The following NCOR1 variants were observed in gnomAD, a reference collection of about 807,000 sequenced individuals.
The protein encoded by NCOR1 is nuclear receptor corepressor 1, also known as protein phosphatase 1, regulatory subunit 109.
A neutral mutation model predicts 288.1 loss-of-function variants in NCOR1; 63 were observed. The observed-to-expected ratio is 0.22, with a 90% CI of 0.18 to 0.27. The LOEUF is 0.27. Among genes scored for constraint, NCOR1 ranks in the 10% least tolerant of loss-of-function variants. NCOR1 has a pLI of 1.00. For missense variants in NCOR1, 2,397 were observed against 3,019.2 expected (o/e 0.79, Z 4.83); for synonymous variants, 1,007 against 1,065.9 (o/e 0.94, Z 1.08).
intron 14 of NCOR1, among the ~76,000 whole-genome samples, chr17:16,134,762 C>G (rs2076146468): frequency 6.6e-6 from 1 of 152,218 alleles, no homozygotes; most frequent in East Asian, 1.9e-4. Context: ...ATCACCTTAT[C>G]TCTTACGTTA....
chr17:16,127,791 CTG>C (rs2074982117), intron 14 of NCOR1, among the ~76,000 whole-genome samples: 1 of 150,966 alleles, frequency 6.6e-6, no homozygotes, highest in South Asian at 2.1e-4. Context: ...TCGGTACTAT[CTG>C]TGGTTTCAAG....
rs775560277 is a variant in NCOR1 at position 16,064,924 on chromosome 17, C to T, written c.5047G>A (p.Gly1683Ser). 5.6e-6 allele frequency: 9 copies of T among 1,613,830 alleles called. No homozygotes were observed. The highest frequency in any genetic ancestry group is 1.3e-5 in the African/African-American group (1 of 75,006). Reference sequence around the variant, plus strand: ...CTGGGAGGGAAAGTAATCTGTGTACCAGGAATATAAGTGATTCTGTCCATG... The same window carrying T: ...CTGGGAGGGAAAGTAATCTGTGTACTAGGAATATAAGTGATTCTGTCCATG... ...PPMDRITYIP[G>S]TQITFPPRPY... The change falls in exon 34 of 46, where the codon GGT becomes AGT. Residue 1683 changes from glycine (G) to serine (S), a missense_variant. Physicochemically the swap from Gly to Ser is moderately conservative, Grantham distance 56. Coordinates refer to ENST00000268712, the MANE Select transcript of NCOR1 (RefSeq NM_006311.4).
intron 5 of NCOR1, among the ~76,000 whole-genome samples, chr17:16,161,118 C>T (rs2080757294): frequency 6.6e-6 from 1 of 151,872 alleles, no homozygotes. Flanking sequence ...GCTTAGAGGG[C>T]CTTCTTTTAG....
rs1279513285 is a variant in NCOR1 at position 16,095,290 on chromosome 17, G to A, written c.2820+3077C>T. Among the ~76,000 whole-genome samples the A allele has an allele frequency of 3.2e-4, 47 of 145,692 alleles. 1 individual carries two copies. Among genetic ancestry groups the A allele is most frequent in the Non-Finnish European group, 6.2e-4 (41 of 66,292 alleles). On this transcript the variant is annotated intron_variant, in intron 21 of 45. Coordinates refer to ENST00000268712, the MANE Select transcript of NCOR1 (RefSeq NM_006311.4). Reference sequence around the variant, plus strand: ...TGGGAGGTGAGGAGCGTCTCTGCCCGGCCGCCCCGTCTGAGAAGTGAGGAG... The same window carrying A: ...TGGGAGGTGAGGAGCGTCTCTGCCCAGCCGCCCCGTCTGAGAAGTGAGGAG...
intron 14 of NCOR1, among the ~76,000 whole-genome samples, chr17:16,136,929 G>A (rs1159642340): frequency 6.6e-6 from 1 of 151,718 alleles, no homozygotes; most frequent in Non-Finnish European, 1.5e-5. Flanking sequence ...AAGGTACCAT[G>A]TTGTATTTCT....
intron 44 of NCOR1, among the ~76,000 whole-genome samples, chr17:16,037,630 A>G (rs1215963852): frequency 6.6e-6 from 1 of 152,204 alleles, no homozygotes; most frequent in African/African-American, 2.4e-5. Flanking sequence ...ATACTTCACT[A>G]ATGACCAACC....
At chr17:16,201,161 T>A (rs2090749416) in intron 1 of NCOR1, among the ~76,000 whole-genome samples, 1 of 152,226 alleles carries the variant, frequency 6.6e-6, no homozygotes, top group South Asian at 2.1e-4. Context: ...CATCATGACA[T>A]CTTACTTAAA....
chr17:16,197,466 A>C (rs763979363), intron 1 of NCOR1, among the ~76,000 whole-genome samples: 1 of 152,098 alleles, frequency 6.6e-6, no homozygotes. Context: ...TGACCAGCTG[A>C]CCCTCAGCCT....
intron 29 of NCOR1, 50 bp from the exon 30 acceptor site, chr17:16,071,715 C>A (rs2061781773): frequency 1.9e-6 from 3 of 1,541,016 alleles, no homozygotes; most frequent in East Asian, 4.5e-5. Context: ...GGTTGCACAA[C>A]AATGCCACGG....
chr17:16,193,190 A>C (rs533956103), intron 2 of NCOR1, among the ~76,000 whole-genome samples: 1 of 152,288 alleles, frequency 6.6e-6, no homozygotes, highest in African/African-American at 2.4e-5. Context: ...AGTGCATTCT[A>C]ATATAGATAT....
chr17:16,106,132 C>T (rs1311082559), intron 19 of NCOR1, among the ~76,000 whole-genome samples: 2 of 152,062 alleles, frequency 1.3e-5, no homozygotes, highest in Admixed American at 1.3e-4. Context: ...CAAACAAAAA[C>T]GGCAGCCATT....
intron 19 of NCOR1, chr17:16,108,171 G>A (rs555246349): frequency 1.1e-3 from 184 of 162,678 alleles, no homozygotes; most frequent in South Asian, 1.9e-3. Flanking sequence ...CACATCAGAA[G>A]CAATTTCCAA....
intron 1 of NCOR1, among the ~76,000 whole-genome samples, chr17:16,205,037 A>G (rs1438290862): frequency 6.6e-6 from 1 of 152,178 alleles, no homozygotes; most frequent in Non-Finnish European, 1.5e-5. Context: ...CCTGACCAAC[A>G]AGGAGAAACC....
chr17:16,049,327 T>A (rs115064822), intron 40 of NCOR1: 1,715 of 167,368 alleles, frequency 0.01, 33 homozygotes, highest in African/African-American at 0.038. Flanking sequence ...CACCCTTGGC[T>A]CCTTAGTCCA....
At position 16,106,658 on chromosome 17, in the gene NCOR1, A is replaced by G. The variant is rs79414813; in HGVS notation, c.2182+2128T>C. 9.2e-3 allele frequency among the ~76,000 whole-genome samples: 1,398 copies of G among 151,892 alleles called. 28 individuals are homozygous for G. The highest frequency in any genetic ancestry group is 0.032 in the African/African-American group (1,333 of 41,424). On this transcript the variant is annotated intron_variant, in intron 19 of 45. Coordinates refer to ENST00000268712, the MANE Select transcript of NCOR1 (RefSeq NM_006311.4). Reference sequence around the variant, plus strand: ...ATAAACAGTGCATCTGTGCTGTCTCATTGAGATTAGGAATAAGTATGAGAT... The same window carrying G: ...ATAAACAGTGCATCTGTGCTGTCTCGTTGAGATTAGGAATAAGTATGAGAT...
chr17:16,109,638 T>C (rs2069565627), intron 18 of NCOR1, among the ~76,000 whole-genome samples: 1 of 152,256 alleles, frequency 6.6e-6, no homozygotes, highest in Non-Finnish European at 1.5e-5. Flanking sequence ...GTATAAATAA[T>C]GCTGCAAGAA....
intron 1 of NCOR1, among the ~76,000 whole-genome samples, chr17:16,214,590 TA>T (rs1353708909): frequency 1.3e-5 from 2 of 152,200 alleles, no homozygotes; most frequent in African/African-American, 4.8e-5. Context: ...CAACATCACA[TA>T]AAGAAAACTG....
rs78052334 is a variant in NCOR1 at position 16,211,294 on chromosome 17, T to C, written c.-71+4068A>G. Among the ~76,000 whole-genome samples the C allele has an allele frequency of 7.9e-3, 1,195 of 152,052 alleles. 7 individuals carry two copies. The highest frequency in any genetic ancestry group is 9.7e-3 in the Non-Finnish European group (660 of 67,984). On this transcript the variant is annotated intron_variant, in intron 1 of 45. Transcript: ENST00000268712. Reference sequence around the variant, plus strand: ...TTTTTTGAGAGACAGTCTTGCTCTGTCACCCAGTCTGAAGTGAGTGCACTG... The same window carrying C: ...TTTTTTGAGAGACAGTCTTGCTCTGCCACCCAGTCTGAAGTGAGTGCACTG...
chr17:16,178,218 G>C (rs936391145), intron 3 of NCOR1, among the ~76,000 whole-genome samples: 3 of 142,068 alleles, frequency 2.1e-5, no homozygotes, highest in Non-Finnish European at 4.6e-5. Context: ...AAATAAAATA[G>C]GCCAGTTGTG....
Sources: gnomAD v4.1 joint callset for allele counts (sites outside exome capture counted in the v4.1 genomes callset) on GRCh38, gnomAD v4.1.1 for gene constraint, MANE v1.5 for transcripts, NCBI Gene and HGNC (gene_info 2026-07-23, HGNC 2026-07-21) for gene names.